The following GNAQ variants were observed in gnomAD, a reference collection of about 807,000 sequenced individuals.
GNAQ encodes G protein subunit alpha q, also known as guanine nucleotide-binding protein G(q) subunit alpha.
In GNAQ, 8 loss-of-function variants were observed where a neutral mutation model predicts 43.9. The observed-to-expected ratio is 0.18, with a 90% CI of 0.11 to 0.33. The LOEUF is 0.33. Among genes scored for constraint, GNAQ ranks in the 10% least tolerant of loss-of-function variants. The pLI, the probability that GNAQ is intolerant of heterozygous loss-of-function variation, is 1.00. For missense variants in GNAQ, 158 were observed against 450.8 expected (o/e 0.35, Z 5.88); for synonymous variants, 155 against 170.7 (o/e 0.91, Z 0.71).
At chr9:77,760,228 C>T (rs562046148) in intron 5 of GNAQ, among the ~76,000 whole-genome samples, 1 of 147,300 alleles carries the variant, frequency 6.8e-6, no homozygotes, top group South Asian at 2.2e-4. Flanking sequence ...TTCCCTCTCC[C>T]TCTCCCCACG....
intron 1 of GNAQ, among the ~76,000 whole-genome samples, chr9:77,939,332 T>A (rs995235992): frequency 2.0e-5 from 3 of 152,236 alleles, no homozygotes; most frequent in African/African-American, 7.2e-5. Context: ...GTCATGTGCC[T>A]TCAGTTTGAT....
chr9:77,888,543 G>A (rs4614067), intron 2 of GNAQ, among the ~76,000 whole-genome samples: 5 of 152,106 alleles, frequency 3.3e-5, no homozygotes, highest in Non-Finnish European at 5.9e-5. Flanking sequence ...ACTCATTGTC[G>A]CAATCCCCTA....
At position 77,844,875 on chromosome 9, in the gene GNAQ, A is replaced by G. The variant is rs998354975; in HGVS notation, c.322-29105T>C. Among the ~76,000 whole-genome samples the G allele has an allele frequency of 5.3e-5, 8 of 151,808 alleles. No homozygotes were observed. The East Asian group carries it at 1.4e-3, about 26-fold the overall frequency. ...TTTTAGTACAGACAGGGTTTTCACC[A>G]TGTTGGCCAGGCTGGTCTCGAACTC... is the stretch of plus-strand genomic sequence containing the variant. On this transcript the variant is annotated intron_variant, in intron 2 of 6. Transcript: ENST00000286548.
In GNAQ at chr9:78,020,229, A is replaced by G. The variant is rs373802725; in HGVS notation, c.136+10871T>C. Among the ~76,000 whole-genome samples the G allele has an allele frequency of 4.6e-5, 7 of 152,300 alleles. No homozygotes were observed. The East Asian group carries it at 1.4e-3, about 29-fold the overall frequency. ...CCAAGCAAAAGCAGATTTCCTGAGC[A>G]AGGATGTCTCAAGAGACATCTCATA... On this transcript the variant is annotated intron_variant, in intron 1 of 6. Coordinates refer to ENST00000286548, the MANE Select transcript of GNAQ (RefSeq NM_002072.5).
chr9:77,751,457 T>C (rs1825809220), intron 5 of GNAQ, among the ~76,000 whole-genome samples: 1 of 152,188 alleles, frequency 6.6e-6, no homozygotes, highest in Non-Finnish European at 1.5e-5. Flanking sequence ...AATTTTCACG[T>C]AATAAATTCA....
At chr9:77,764,484 C>G (rs1013595126) in intron 5 of GNAQ, among the ~76,000 whole-genome samples, 2 of 149,400 alleles carry the variant, frequency 1.3e-5, no homozygotes, top group African/African-American at 2.5e-5. Flanking sequence ...GAGATGGAGT[C>G]TCTCTCTGTC....
chr9:77,762,410 A>G (rs1283181996), intron 5 of GNAQ, among the ~76,000 whole-genome samples: 5 of 94,816 alleles, frequency 5.3e-5, no homozygotes, highest in Non-Finnish European at 1.0e-4. Flanking sequence ...CAGCCACCCC[A>G]TCCGGGAGGG....
chr9:77,982,083 C>G (rs1274254897), intron 1 of GNAQ, among the ~76,000 whole-genome samples: 1 of 152,200 alleles, frequency 6.6e-6, no homozygotes, highest in Non-Finnish European at 1.5e-5. Flanking sequence ...GACTAGCCAA[C>G]CTACTGCTAA....
intron 2 of GNAQ, among the ~76,000 whole-genome samples, chr9:77,877,390 C>T (rs548207564): frequency 2.0e-5 from 3 of 152,194 alleles, no homozygotes; most frequent in Non-Finnish European, 2.9e-5. Flanking sequence ...CATGTAATGA[C>T]GAGAATAGGT....
At chr9:77,779,680 CAA>C (rs58014303) in intron 5 of GNAQ, among the ~76,000 whole-genome samples, 49,856 of 97,776 alleles carry the variant, frequency 0.51, 9,880 homozygotes, top group Admixed American at 0.66. Flanking sequence ...AAAAACAAAA[CAA>C]AAAAAAAAAA....
chr9:77,725,210 TCATTACAGC>T (rs1825379690), intron 6 of GNAQ, among the ~76,000 whole-genome samples: 1 of 152,176 alleles, frequency 6.6e-6, no homozygotes, highest in Non-Finnish European at 1.5e-5. Flanking sequence ...TACAAAGAAC[TCATTACAGC>T]CATCACAGCA....
At chr9:77,878,116 T>C in intron 2 of GNAQ, among the ~76,000 whole-genome samples, 1 of 152,202 alleles carries the variant, frequency 6.6e-6, no homozygotes, top group East Asian at 1.9e-4. Flanking sequence ...CAAATAATTG[T>C]TGAATGAATT....
At chr9:77,964,340 C>T (rs1056570382) in intron 1 of GNAQ, among the ~76,000 whole-genome samples, 6 of 152,018 alleles carry the variant, frequency 3.9e-5, no homozygotes, top group African/African-American at 1.2e-4. Context: ...TTTTAATACC[C>T]CTTTCTCAAT....
intron 2 of GNAQ, among the ~76,000 whole-genome samples, chr9:77,864,241 G>A (rs1227183681): frequency 2.0e-5 from 3 of 151,664 alleles, no homozygotes; most frequent in Admixed American, 6.6e-5. Context: ...ATTACTGGAG[G>A]AGGAAACCAA....
intron 2 of GNAQ, among the ~76,000 whole-genome samples, chr9:77,873,951 C>T (rs1828083880): frequency 6.6e-6 from 1 of 151,666 alleles, no homozygotes; most frequent in South Asian, 2.1e-4. Flanking sequence ...ACTAGAAATA[C>T]AAAATTAGTC....
chr9:77,870,324 G>GTTTT (rs781464413), intron 2 of GNAQ, among the ~76,000 whole-genome samples: 15 of 111,084 alleles, frequency 1.4e-4, no homozygotes, highest in Non-Finnish European at 1.8e-4. Context: ...TTTGGTGCTA[G>GTTTT]TTTTTTTTTT....
intron 2 of GNAQ, among the ~76,000 whole-genome samples, chr9:77,874,412 A>G (rs1204851007): frequency 6.6e-6 from 1 of 151,912 alleles, no homozygotes; most frequent in South Asian, 2.1e-4. Context: ...CTCCCATCCC[A>G]TCTCAATCTG....
chr9:77,836,470 T>G (rs1277301002), intron 2 of GNAQ, among the ~76,000 whole-genome samples: 1 of 152,140 alleles, frequency 6.6e-6, no homozygotes, highest in East Asian at 1.9e-4. Context: ...AATCTATTTC[T>G]TCTTTTAAAT....
chr9:77,945,792 A>G (rs949667180), intron 1 of GNAQ, among the ~76,000 whole-genome samples: 3 of 152,222 alleles, frequency 2.0e-5, no homozygotes, highest in African/African-American at 7.2e-5. Context: ...CCCTAAGAAC[A>G]TGAACTTTAC....
Sources: allele counts gnomAD v4.1 joint callset (sites outside exome capture counted in the v4.1 genomes callset), GRCh38; gene constraint gnomAD v4.1.1; transcripts MANE v1.5; gene names NCBI Gene and HGNC (gene_info 2026-07-23, HGNC 2026-07-21).